The following MTRF1 variants were observed in gnomAD, a reference collection of about 807,000 sequenced individuals.
MTRF1 encodes peptide chain release factor 1, mitochondrial.
In MTRF1, 51 loss-of-function variants were observed where a neutral mutation model predicts 62.9. The ratio of observed to expected loss-of-function variants is 0.81; its 90% CI spans 0.65 to 1.02. The LOEUF is 1.02. Among genes scored for constraint, MTRF1 ranks in the 50% least tolerant of loss-of-function variants. MTRF1 has a pLI of 0.00. For synonymous variants in MTRF1, 158 were observed against 181.9 expected, an observed-to-expected ratio of 0.87 and a Z score of 1.06; for missense variants, 446 against 530.0, an observed-to-expected ratio of 0.84 and a Z score of 1.56.
At chr13:41,220,068 CTA>C (rs1417449678) in intron 9 of MTRF1, among the ~76,000 whole-genome samples, 1 of 148,336 alleles carries the variant, frequency 6.7e-6, no homozygotes, top group Non-Finnish European at 1.5e-5. Flanking sequence ...GTGGCTCAGG[CTA>C]TAAACCCAGC....
At chr13:41,249,337 G>C (rs1246323841) in intron 5 of MTRF1, among the ~76,000 whole-genome samples, 4 of 152,100 alleles carry the variant, frequency 2.6e-5, no homozygotes, top group Non-Finnish European at 5.9e-5. Context: ...ATCAGGAGAT[G>C]GAGACCATCC....
chr13:41,243,237 T>TA (rs988024166), intron 5 of MTRF1, among the ~76,000 whole-genome samples: 6 of 149,944 alleles, frequency 4.0e-5, no homozygotes, highest in African/African-American at 7.4e-5. Flanking sequence ...TAAATAAAAT[T>TA]AAAAAAAATA....
intron 5 of MTRF1, among the ~76,000 whole-genome samples, chr13:41,248,079 A>T (rs538856536): frequency 2.9e-4 from 44 of 152,150 alleles, no homozygotes; most frequent in South Asian, 1.2e-3. Context: ...AGGCTGGGGG[A>T]AAGTTCTGGC....
At chr13:41,221,953 A>G (rs1028787063) in intron 9 of MTRF1, among the ~76,000 whole-genome samples, 8 of 152,232 alleles carry the variant, frequency 5.3e-5, no homozygotes, top group Admixed American at 4.6e-4. Context: ...CAACATGGCT[A>G]TGTTCCTAAG....
chr13:41,297,171 T>G, the MTRF1 span, among the ~76,000 whole-genome samples: 1 of 152,180 alleles, frequency 6.6e-6, no homozygotes, highest in Non-Finnish European at 1.5e-5. Flanking sequence ...AGCACTAAAA[T>G]GATTACATAA....
chr13:41,225,445 T>C (rs2034222192), intron 8 of MTRF1, among the ~76,000 whole-genome samples: 1 of 152,210 alleles, frequency 6.6e-6, no homozygotes, highest in Admixed American at 6.5e-5. Flanking sequence ...ACACTGATGA[T>C]GCACTACAAT....
chr13:41,239,049 TAAAG>T (rs576065995), intron 6 of MTRF1, among the ~76,000 whole-genome samples: 131 of 151,780 alleles, frequency 8.6e-4, no homozygotes, highest in African/African-American at 2.9e-3. Flanking sequence ...GTTCTAAACT[TAAAG>T]AAACATAGCA....
chr13:41,249,270 G>A (rs982986369), intron 5 of MTRF1, among the ~76,000 whole-genome samples: 4 of 152,170 alleles, frequency 2.6e-5, no homozygotes, highest in Admixed American at 6.5e-5. Context: ...GGCCGGGCGC[G>A]GTGGCTCACG....
chr13:41,290,956 C>A, the MTRF1 span, among the ~76,000 whole-genome samples: 1 of 150,710 alleles, frequency 6.6e-6, no homozygotes, highest in African/African-American at 2.4e-5. Flanking sequence ...ATTAGCCAGG[C>A]GTGATGGTGC....
In MTRF1 at chr13:41,260,663, A is replaced by C; in HGVS notation, c.245T>G (p.Leu82Arg). The C allele has an allele frequency of 6.2e-7, 1 of 1,614,152 alleles. No homozygotes were observed. Residue 82 changes from leucine to arginine, a missense_variant, in exon 2 of 10, where the codon CTG becomes CGG. Leu to Arg is a moderately radical substitution (Grantham distance 102, BLOSUM62 -2). Coordinates refer to ENST00000379480, the MANE Select transcript of MTRF1 (RefSeq NM_004294.4). ...CTCAAGTGTTTGGTACTCCTTACTC[A>C]GGTTCTCCATATATTTCTGTAGTGC... ...HKALQKYMEN[L>R]SKEYQTLEQC...
the MTRF1 span, among the ~76,000 whole-genome samples, chr13:41,307,027 T>A: frequency 1.3e-5 from 2 of 152,234 alleles, no homozygotes; most frequent in Non-Finnish European, 2.9e-5. Flanking sequence ...AGTTACTGGT[T>A]AATCTAGGCT....
At position 41,217,208 on chromosome 13, in the gene MTRF1, C is replaced by G; in HGVS notation, c.1245G>C (p.Lys415Asn). ...GTCTCTGAATTAGCTGATCCAGGCC[C>G]TTCCCACCACATAAAAATTCCTGGT... ...RDIKEFLCGGKGLDQLIQRLL... is the reference protein window; with the variant it reads ...RDIKEFLCGGNGLDQLIQRLL... Residue 415 changes from lysine to asparagine, a missense_variant, in exon 10 of 10, where the codon AAG becomes AAC. Coordinates refer to ENST00000379480, the MANE Select transcript of MTRF1 (RefSeq NM_004294.4). The G allele has an allele frequency of 3.1e-6, 5 of 1,604,216 alleles. No individual in the cohort carries two copies. Among genetic ancestry groups the G allele is most frequent in the Non-Finnish European group, 4.3e-6 (5 of 1,174,956 alleles).
chr13:41,288,062 A>T, the MTRF1 span: 1 of 419,368 alleles, frequency 2.4e-6, no homozygotes, highest in Non-Finnish European at 4.8e-6. Context: ...ATGATGCAAG[A>T]CTCACAAGGG....
intron 9 of MTRF1, among the ~76,000 whole-genome samples, chr13:41,220,324 G>A (rs12873203): frequency 0.42 from 13,784 of 32,480 alleles, 1,875 homozygotes; most frequent in African/African-American, 0.49. Flanking sequence ...ATCTGTCTCG[G>A]AAAAAAAAAA....
At chr13:41,268,134 TAAAC>T (rs1386095605), upstream of MTRF1, among the ~76,000 whole-genome samples, 1 of 152,134 alleles carries the variant, frequency 6.6e-6, no homozygotes, top group East Asian at 1.9e-4. Flanking sequence ...AATTAATCCT[TAAAC>T]AAAAGCCTTA....
rs373785065 is a variant in MTRF1, at chr13:41,254,484, C to A, written c.507+45G>T. The A allele has an allele frequency of 1.4e-6, 2 of 1,430,646 alleles. No individual in the cohort carries two copies. Among genetic ancestry groups the A allele is most frequent in the Non-Finnish European group, 2.0e-6 (2 of 1,018,218 alleles). The allele number at this position is 1,430,646 out of a possible 1,614,324, so 88.6% of individuals were successfully genotyped here. On this transcript the variant is annotated intron_variant, in intron 3 of 9. Coordinates refer to ENST00000379480, the MANE Select transcript of MTRF1 (RefSeq NM_004294.4). ...AGCAGAGTCTAGCAAAAACAGCATT[C>A]CTTTATACAGCACTATTGAAACTAG...
At chr13:41,242,572 G>A (rs1027285743) in intron 5 of MTRF1, among the ~76,000 whole-genome samples, 3 of 152,112 alleles carry the variant, frequency 2.0e-5, no homozygotes, top group Non-Finnish European at 4.4e-5. Flanking sequence ...TTCATATGAT[G>A]TTGAGACCCA....
the MTRF1 span, among the ~76,000 whole-genome samples, chr13:41,277,652 T>C: frequency 6.6e-6 from 1 of 152,172 alleles, no homozygotes; most frequent in Non-Finnish European, 1.5e-5. Context: ...TCAAAATCTA[T>C]CCAAACTCTG....
chr13:41,243,548 A>T (rs985076846), intron 5 of MTRF1, among the ~76,000 whole-genome samples: 1 of 152,196 alleles, frequency 6.6e-6, no homozygotes, highest in Non-Finnish European at 1.5e-5. Flanking sequence ...TGGCACAAAA[A>T]TGCTAATACT....
Sources: allele counts gnomAD v4.1 joint callset (sites outside exome capture counted in the v4.1 genomes callset), GRCh38; gene constraint gnomAD v4.1.1; transcripts MANE v1.5; gene names NCBI Gene and HGNC (gene_info 2026-07-23, HGNC 2026-07-21).